TENM1: variants seen among roughly 807,000 people sequenced by gnomAD.
The protein encoded by TENM1 is teneurin transmembrane protein 1.
TENM1 carries 35 observed loss-of-function variants against 174.8 expected under a neutral mutation model. That is an observed-to-expected ratio of 0.20 (90% CI 0.15 to 0.27). TENM1 has a LOEUF of 0.27. Among genes scored for constraint, TENM1 ranks in the 10% least tolerant of loss-of-function variants. The pLI is 1.00. For synonymous variants in TENM1, 781 were observed against 798.7 expected, an observed-to-expected ratio of 0.98 and a Z score of 0.37; for missense variants, 1,633 against 2,130.1, an observed-to-expected ratio of 0.77 and a Z score of 4.59.
chrX:124,954,931 C>T (rs184609057), intron 1 of TENM1, among the ~76,000 whole-genome samples: 152 of 111,742 alleles, frequency 1.4e-3, no homozygotes, highest in African/African-American at 4.7e-3. Flanking sequence ...GCACATAACC[C>T]TGTCTCTCAT....
intron 11 of TENM1, among the ~76,000 whole-genome samples, chrX:124,578,715 C>T (rs903190333): frequency 1.1e-4 from 12 of 111,870 alleles, no homozygotes; most frequent in Non-Finnish European, 2.3e-4. Flanking sequence ...ATCGGCTTCA[C>T]AAATGCTCTG....
chrX:124,837,503 T>C (rs190258944), intron 3 of TENM1, among the ~76,000 whole-genome samples: 3 of 112,654 alleles, frequency 2.7e-5, no homozygotes, highest in South Asian at 3.6e-4. Flanking sequence ...GAGGTGAATA[T>C]GGCTTCATCA....
the TENM1 span, among the ~76,000 whole-genome samples, chrX:125,146,923 T>C: frequency 9.0e-6 from 1 of 111,256 alleles, no homozygotes; most frequent in Non-Finnish European, 1.9e-5. Flanking sequence ...TTTGGCTTTT[T>C]ACTTAACAGA....
At chrX:124,460,635 C>G (rs774549654) in intron 22 of TENM1, among the ~76,000 whole-genome samples, 86 of 108,809 alleles carry the variant, frequency 7.9e-4, no homozygotes, top group Non-Finnish European at 1.4e-3. Context: ...GGATACTAAG[C>G]TTAATACCTG....
chrX:125,015,856 G>T, the TENM1 span, among the ~76,000 whole-genome samples: 4 of 111,108 alleles, frequency 3.6e-5, no homozygotes, highest in African/African-American at 1.3e-4. Flanking sequence ...TTTGGGCCTC[G>T]GTTTCAAAAA....
upstream of TENM1, among the ~76,000 whole-genome samples, chrX:124,964,161 G>A (rs1170622811): frequency 3.6e-5 from 4 of 112,402 alleles, no homozygotes; most frequent in East Asian, 2.8e-4. Context: ...ATTAAAAAAC[G>A]TTATCAGATT....
rs2048069613 is a variant in TENM1, at chrX:124,530,002, G to A, written c.2652-19C>T. The A allele has an allele frequency of 8.3e-7, 1 of 1,199,823 alleles. No homozygotes were observed. Among genetic ancestry groups the A allele is most frequent in the Admixed American group, 2.3e-5 (1 of 43,518 alleles). ...GGCACGCCTGCAACACAAGACCAAA[G>A]GCAAACAGAAAAGCATGTTGAGACT... On this transcript the variant is annotated intron_variant, in intron 15 of 31. Coordinates refer to ENST00000422452, the Ensembl canonical transcript of TENM1.
Position 124,758,364 on chromosome X carries a change from C to T in TENM1, c.536-21167G>A, listed in dbSNP as rs770422486. On this transcript the variant is annotated intron_variant, in intron 3 of 31. Transcript: ENST00000422452. ...ATTATCTTATACCCATTAGGATGGC[C>T]AGTATAAAGAAAAATGGAAAATAAA... 6.3e-5 allele frequency among the ~76,000 whole-genome samples: 7 copies of T among 110,437 alleles called. No homozygotes were observed. In the South Asian group the frequency reaches 2.8e-3, roughly 44 times the overall value.
chrX:124,646,161 A>G (rs1602894835), intron 9 of TENM1, among the ~76,000 whole-genome samples: 1 of 112,449 alleles, frequency 8.9e-6, no homozygotes, highest in East Asian at 2.8e-4. Context: ...CTTTTCAAAA[A>G]TTAAACTATG....
exon 6 of TENM1, chrX:124,671,756 G>C (rs2051928394): frequency 8.3e-7 from 1 of 1,210,239 alleles, no homozygotes; most frequent in South Asian, 1.8e-5. Flanking sequence ...CGGTCCCCCT[G>C]TTCCCTTTGC....
At chrX:124,743,946 T>C (rs1044207136) in intron 3 of TENM1, among the ~76,000 whole-genome samples, 2 of 111,874 alleles carry the variant, frequency 1.8e-5, no homozygotes, top group Non-Finnish European at 3.8e-5. Flanking sequence ...GTTCTCCAAT[T>C]TGTTGTGCAA....
At chrX:125,123,312 T>C in the TENM1 span, among the ~76,000 whole-genome samples, 1 of 110,521 alleles carries the variant, frequency 9.0e-6, no homozygotes, top group Non-Finnish European at 1.9e-5. Context: ...AGGTTGGGTG[T>C]GGTGGTTCAC....
chrX:125,133,687 T>C, the TENM1 span, among the ~76,000 whole-genome samples: 1 of 112,092 alleles, frequency 8.9e-6, no homozygotes. Flanking sequence ...AGAAATAGTA[T>C]CTTTGTCCCA....
chrX:124,891,824 CACAAG>C (rs1235577094), intron 3 of TENM1, among the ~76,000 whole-genome samples: 3 of 111,445 alleles, frequency 2.7e-5, no homozygotes, highest in Non-Finnish European at 5.7e-5. Context: ...ATGAGAGTCA[CACAAG>C]ACAAGATCAA....
intron 23 of TENM1, among the ~76,000 whole-genome samples, chrX:124,424,324 G>A (rs2060686599): frequency 1.8e-5 from 2 of 111,913 alleles, no homozygotes; most frequent in South Asian, 7.5e-4. Context: ...ATTTCTTTGT[G>A]TTAAGAACGT....
intron 4 of TENM1, among the ~76,000 whole-genome samples, chrX:124,713,083 G>A (rs184237299): frequency 8.5e-4 from 94 of 110,882 alleles, no homozygotes; most frequent in East Asian, 3.7e-3. Context: ...TCTAAACCTC[G>A]GACGCCAAGT....
At chrX:125,104,781 A>C in the TENM1 span, among the ~76,000 whole-genome samples, 1 of 111,756 alleles carries the variant, frequency 8.9e-6, no homozygotes, top group East Asian at 2.8e-4. Context: ...TGCCTTTCTA[A>C]AAAAATTTAT....
chrX:124,952,052 G>C (rs2058496813), intron 1 of TENM1, among the ~76,000 whole-genome samples: 1 of 110,737 alleles, frequency 9.0e-6, no homozygotes, highest in East Asian at 2.8e-4. Flanking sequence ...CTATCCTAGA[G>C]GTAGTCTGAA....
chrX:125,203,013 T>C, the TENM1 span, among the ~76,000 whole-genome samples: 1 of 111,904 alleles, frequency 8.9e-6, no homozygotes, highest in Non-Finnish European at 1.9e-5. Flanking sequence ...AACCCGCACA[T>C]TGGAGCGCAT....
Sources: allele counts gnomAD v4.1 joint callset (sites outside exome capture counted in the v4.1 genomes callset), GRCh38; gene constraint gnomAD v4.1.1; transcripts MANE v1.5; gene names NCBI Gene and HGNC (gene_info 2026-07-23, HGNC 2026-07-21).